Variants in PLEK2 observed in about 807,000 individuals in gnomAD.
The protein encoded by PLEK2 is pleckstrin 2, also known as pleckstrin-2.
A neutral mutation model predicts 43.8 loss-of-function variants in PLEK2; 29 were observed. The observed-to-expected ratio is 0.66, with a 90% CI of 0.49 to 0.90. The LOEUF is 0.90. Among genes scored for constraint, PLEK2 ranks in the 40% least tolerant of loss-of-function variants. The pLI is 0.00. For missense variants in PLEK2, 398 were observed against 448.1 expected (o/e 0.89, Z 1.01); for synonymous variants, 162 against 173.2 (o/e 0.94, Z 0.51).
chr14:67,393,619 A>G (rs2085985693), intron 3 of PLEK2, among the ~76,000 whole-genome samples: 1 of 151,936 alleles, frequency 6.6e-6, no homozygotes, highest in Admixed American at 6.5e-5. Context: ...ACACCTGGCT[A>G]ATTTTTGTAG....
In PLEK2 at chr14:67,393,235, A is replaced by G; in HGVS notation, c.396T>C (p.Ile132=). 1 of 1,612,498 alleles carries G rather than the reference A, an allele frequency of 6.2e-7. No individual in the cohort carries two copies. The highest frequency in any genetic ancestry group is 8.5e-7 in the Non-Finnish European group (1 of 1,178,528). ...TGTTGCTATCGTGCATCTTGTCCAC[A>G]ATGCGACTACATGGAAGGGAAGGCA... ...KLPPHISLHR[I]VDKMHDSNTG... The change falls in exon 4 of 9, where the codon ATT becomes ATC. Residue 132 remains isoleucine (I), a synonymous_variant. Transcript: ENST00000216446.
chr14:67,408,419 G>C (rs1407259285), intron 1 of PLEK2, among the ~76,000 whole-genome samples: 1 of 152,076 alleles, frequency 6.6e-6, no homozygotes, highest in African/African-American at 2.4e-5. Flanking sequence ...CCCCAAAAAA[G>C]ATACACTGAA....
At chr14:67,408,080 A>G (rs1381392895) in intron 1 of PLEK2, among the ~76,000 whole-genome samples, 1 of 152,062 alleles carries the variant, frequency 6.6e-6, no homozygotes, top group Admixed American at 6.6e-5. Context: ...TGAGGTTGGG[A>G]GTTCAAGACC....
chr14:67,405,481 C>T (rs2086072558), intron 1 of PLEK2, among the ~76,000 whole-genome samples: 1 of 152,082 alleles, frequency 6.6e-6, no homozygotes, highest in Non-Finnish European at 1.5e-5. Flanking sequence ...AGACAGACAC[C>T]TACCCCACCC....
intron 7 of PLEK2, among the ~76,000 whole-genome samples, chr14:67,390,187 A>T (rs1279455105): frequency 6.6e-6 from 1 of 152,184 alleles, no homozygotes; most frequent in African/African-American, 2.4e-5. Context: ...TTGCCATCAA[A>T]GTTTTTTAAA....
chr14:67,405,224 CAAAAAAAAA>C (rs770594121), intron 1 of PLEK2, among the ~76,000 whole-genome samples: 2 of 40,482 alleles, frequency 4.9e-5, no homozygotes, highest in African/African-American at 8.9e-5. Context: ...GAGTCCATCT[CAAAAAAAAA>C]AAAAAAAAAA....
intron 1 of PLEK2, among the ~76,000 whole-genome samples, chr14:67,399,961 G>T (rs1402470069): frequency 6.6e-6 from 1 of 152,200 alleles, no homozygotes; most frequent in East Asian, 1.9e-4. Flanking sequence ...ACCAACAGAG[G>T]TGCTTTACCT....
At chr14:67,391,360 C>A (rs2085966859) in intron 6 of PLEK2, among the ~76,000 whole-genome samples, 1 of 150,360 alleles carries the variant, frequency 6.7e-6, no homozygotes, top group Non-Finnish European at 1.5e-5. Flanking sequence ...AAACCTTAGC[C>A]CTCCTAGTCA....
intron 3 of PLEK2, among the ~76,000 whole-genome samples, chr14:67,394,362 C>T (rs114598173): frequency 0.02 from 2,998 of 152,086 alleles, 39 homozygotes; most frequent in Middle Eastern, 0.034. Context: ...AGCCACTGCA[C>T]TCCAGCCCGG....
intron 1 of PLEK2, among the ~76,000 whole-genome samples, chr14:67,403,128 A>T (rs1454846410): frequency 6.6e-6 from 1 of 152,190 alleles, no homozygotes; most frequent in African/African-American, 2.4e-5. Context: ...CTGGGGTGAG[A>T]TGATATCCCA....
At position 67,393,183 on chromosome 14, in the gene PLEK2, C is replaced by G; in HGVS notation, c.448G>C (p.Glu150Gln). 2.5e-6 allele frequency: 4 copies of G among 1,613,990 alleles called. No homozygotes were observed. The highest frequency in any genetic ancestry group is 3.4e-6 in the Non-Finnish European group (4 of 1,179,844). Residue 150 changes from glutamate to glutamine, a missense_variant, in exon 4 of 9, where the codon GAG becomes CAG. By Grantham distance (29) the Glu-to-Gln change is conservative. Coordinates refer to ENST00000216446, the MANE Select transcript of PLEK2 (RefSeq NM_016445.3). ...GTCTTTTTATAGGTGCTTCCCTGCT[C>G]CATGTTGGGGCTTGAACGGATTCCG... ...NTGIRSSPNM[E>Q]QGSTYKKTFL... is the part of the protein sequence containing the mutation.
At position 67,397,707 on chromosome 14, in the gene PLEK2, A is replaced by G; in HGVS notation, c.162T>C (p.Asp54=). Residue 54 remains aspartate (D), a synonymous_variant, in exon 2 of 9, where the codon GAT becomes GAC. Transcript: ENST00000216446. ...VTPPKGRILL[D]GCTITCPCLE... ...GGCAGGGGCAGGTGATGGTGCAGCC[A>G]TCCAGGAGGATCCGGCCCTTGGGAG... The G allele has an allele frequency of 1.2e-6, 2 of 1,613,622 alleles. No homozygotes were observed. The highest frequency in any genetic ancestry group is 1.7e-6 in the Non-Finnish European group (2 of 1,179,766).
chr14:67,387,463 AGAAAAAAGGGG>A lies in PLEK2; in HGVS notation c.935-18_935-8del. On this transcript the variant is annotated splice_polypyrimidine_tract_variant and splice_region_variant and intron_variant, in intron 8 of 8. Transcript: ENST00000216446. ...TGGACATTCCCTTTAACCCCTAGGC[AGAAAAAAGGGG>A]GAAAAAAATCAGTGATTGAATAGCC... is the stretch of plus-strand genomic sequence containing the variant. The A allele has an allele frequency of 6.3e-7, 1 of 1,598,498 alleles. No individual in the cohort carries two copies. The highest frequency in any genetic ancestry group is 1.1e-5 in the South Asian group (1 of 87,688).
At chr14:67,389,348 G>A (rs1658653125) in intron 7 of PLEK2, among the ~76,000 whole-genome samples, 1 of 152,118 alleles carries the variant, frequency 6.6e-6, no homozygotes. Context: ...TCCTGTCCTG[G>A]ATAGGAGAGT....
In PLEK2 at chr14:67,397,696, A is replaced by T. The variant is rs2086020383; in HGVS notation, c.173T>A (p.Ile58Asn). 6.2e-7 allele frequency: 1 copy of T among 1,613,168 alleles called. No individual in the cohort carries two copies. Among genetic ancestry groups the T allele is most frequent in the Non-Finnish European group, 8.5e-7 (1 of 1,179,680 alleles). Reference sequence around the variant, plus strand: ...TTCATACTCCAGGCAGGGGCAGGTGATGGTGCAGCCATCCAGGAGGATCCG... The same window carrying T: ...TTCATACTCCAGGCAGGGGCAGGTGTTGGTGCAGCCATCCAGGAGGATCCG... ...KGRILLDGCTITCPCLEYENR... is the reference protein window; with the variant it reads ...KGRILLDGCTNTCPCLEYENR... The change falls in exon 2 of 9, where the codon ATC becomes AAC. Residue 58 changes from isoleucine to asparagine, a missense_variant. Coordinates refer to ENST00000216446, the MANE Select transcript of PLEK2 (RefSeq NM_016445.3).
chr14:67,399,594 A>C (rs113357436), intron 1 of PLEK2, among the ~76,000 whole-genome samples: 9 of 135,180 alleles, frequency 6.7e-5, no homozygotes, highest in East Asian at 2.4e-4. Flanking sequence ...AGAGAAGGGT[A>C]GTTTAGGTGG....
At chr14:67,409,778 T>C (rs901291117) in intron 1 of PLEK2, among the ~76,000 whole-genome samples, 2 of 152,210 alleles carry the variant, frequency 1.3e-5, no homozygotes, top group African/African-American at 4.8e-5. Context: ...GCCCCACCTC[T>C]GAGCTCTTAA....
chr14:67,396,124 C>A (rs933834366), intron 2 of PLEK2, among the ~76,000 whole-genome samples: 2 of 151,940 alleles, frequency 1.3e-5, no homozygotes, highest in East Asian at 3.9e-4. Context: ...CCATCCAGGT[C>A]GCTTTGTTTT....
intron 3 of PLEK2, among the ~76,000 whole-genome samples, chr14:67,394,667 G>A (rs1349719910): frequency 5.3e-5 from 8 of 152,072 alleles, no homozygotes; most frequent in Non-Finnish European, 1.5e-5. Flanking sequence ...CTTTTGCCTG[G>A]GAGGTTGGTG....
Sources: allele counts gnomAD v4.1 joint callset (sites outside exome capture counted in the v4.1 genomes callset), GRCh38; gene constraint gnomAD v4.1.1; transcripts MANE v1.5; gene names NCBI Gene and HGNC (gene_info 2026-07-23, HGNC 2026-07-21).